The following PTER variants were observed in gnomAD, a reference collection of about 807,000 sequenced individuals.
PTER encodes the protein phosphotriesterase related.
Under a neutral mutation model 29.6 loss-of-function variants are expected in PTER, and 38 were observed. The ratio of observed to expected loss-of-function variants is 1.28; its 90% confidence interval spans 0.99 to 1.68. The LOEUF (loss-of-function observed/expected upper bound fraction) is 1.68. Among genes scored for constraint, PTER ranks in the 40% most tolerant of loss-of-function variants. The pLI, the probability that PTER is intolerant of heterozygous loss-of-function variation, is 0.00. For missense variants in PTER, 482 were observed against 427.8 expected (o/e 1.13, Z -1.12); for synonymous variants, 172 against 154.5 (o/e 1.11, Z -0.84).
intron 4 of PTER, among the ~76,000 whole-genome samples, chr10:16,508,273 T>A (rs1427849586): frequency 6.6e-6 from 1 of 152,064 alleles, no homozygotes; most frequent in Admixed American, 6.5e-5. Context: ...TTTCACCGTG[T>A]TAGCCAGGAT....
chr10:16,468,170 C>T (rs1041742234), intron 1 of PTER, among the ~76,000 whole-genome samples: 3 of 152,142 alleles, frequency 2.0e-5, no homozygotes, highest in Admixed American at 6.5e-5. Flanking sequence ...GGCGAAACCC[C>T]GTCTCTACTA....
chr10:16,507,459 A>G (rs1317001946), intron 4 of PTER, among the ~76,000 whole-genome samples: 1 of 152,112 alleles, frequency 6.6e-6, no homozygotes, highest in Non-Finnish European at 1.5e-5. Flanking sequence ...TTGAGAAGTG[A>G]TGTCCAGGAA....
At chr10:16,476,300 T>A (rs1250841022) in intron 1 of PTER, 1 of 152,250 alleles carries the variant, frequency 6.6e-6, no homozygotes, top group African/African-American at 2.4e-5. Context: ...CAGGCTGGTC[T>A]CGAACTCCTG....
chr10:16,461,166 T>A (rs1834600275), intron 1 of PTER, among the ~76,000 whole-genome samples: 1 of 152,166 alleles, frequency 6.6e-6, no homozygotes, highest in South Asian at 2.1e-4. Context: ...TTCTGTGAAT[T>A]CTTAGGAAGC....
intron 4 of PTER, among the ~76,000 whole-genome samples, chr10:16,506,040 G>A (rs1191223443): frequency 6.6e-6 from 1 of 152,154 alleles, no homozygotes; most frequent in African/African-American, 2.4e-5. Context: ...GATAACATGA[G>A]AGATATATAT....
At chr10:16,485,006 C>T (rs550586024) in intron 2 of PTER, among the ~76,000 whole-genome samples, 190 bp downstream of exon 2, 2 of 152,036 alleles carry the variant, frequency 1.3e-5, no homozygotes, top group Non-Finnish European at 2.9e-5. Flanking sequence ...TGCAAGCAAG[C>T]CTTGTGGTAA....
chr10:16,502,500 T>A (rs543408727), intron 3 of PTER, among the ~76,000 whole-genome samples: 1 of 152,214 alleles, frequency 6.6e-6, no homozygotes, highest in South Asian at 2.1e-4. Context: ...AAGGAAAGAT[T>A]TTTTAGCCTC....
chr10:16,485,789 G>C (rs1835671453), intron 2 of PTER, among the ~76,000 whole-genome samples: 1 of 152,108 alleles, frequency 6.6e-6, no homozygotes, highest in South Asian at 2.1e-4. Context: ...GAATAAATAG[G>C]AGAGAATTAA....
intron 3 of PTER, among the ~76,000 whole-genome samples, chr10:16,501,470 T>C (rs1047940170): frequency 6.6e-6 from 1 of 151,996 alleles, no homozygotes; most frequent in Admixed American, 6.6e-5. Context: ...TTGTCTAAAA[T>C]AACTGTAAAG....
At chr10:16,498,387 C>T (rs886558257) in intron 3 of PTER, among the ~76,000 whole-genome samples, 1 of 152,170 alleles carries the variant, frequency 6.6e-6, no homozygotes, top group Non-Finnish European at 1.5e-5. Context: ...AGTTTGAGAC[C>T]AGCCTGGCCA....
intron 1 of PTER, among the ~76,000 whole-genome samples, chr10:16,447,410 T>C (rs182104438): frequency 6.2e-4 from 95 of 152,240 alleles, no homozygotes; most frequent in African/African-American, 2.2e-3. Flanking sequence ...CTGTAAAATA[T>C]TTTTTATGTG....
chr10:16,475,829 C>T (rs1005612389), intron 1 of PTER, among the ~76,000 whole-genome samples: 4 of 152,146 alleles, frequency 2.6e-5, no homozygotes, highest in African/African-American at 9.7e-5. Flanking sequence ...AATCACAGGC[C>T]TCAAATGAAG....
chr10:16,508,334 C>A (rs1325888609), intron 4 of PTER, among the ~76,000 whole-genome samples: 1 of 152,128 alleles, frequency 6.6e-6, no homozygotes, highest in Admixed American at 6.5e-5. Flanking sequence ...TCCTAAAGTG[C>A]TGGGATTACA....
At chr10:16,472,082 A>G (rs775732413) in intron 1 of PTER, among the ~76,000 whole-genome samples, 5 of 152,176 alleles carry the variant, frequency 3.3e-5, no homozygotes, top group Admixed American at 1.3e-4. Context: ...GATGCTTTCT[A>G]TTGGATTCCC....
intron 1 of PTER, among the ~76,000 whole-genome samples, chr10:16,473,169 A>G (rs1311754940): frequency 6.6e-6 from 1 of 152,126 alleles, no homozygotes; most frequent in Non-Finnish European, 1.5e-5. Context: ...TTCGGCTCAA[A>G]TGAGTCTCAC....
rs141149062 is a variant in PTER at position 16,475,345 on chromosome 10, T to C, written c.-48-8992T>C. Among the ~76,000 whole-genome samples, 534 of 152,298 alleles carry C rather than the reference T, an allele frequency of 3.5e-3. 5 individuals are homozygous for C. Among genetic ancestry groups the C allele is most frequent in the African/African-American group, 0.012 (497 of 41,560 alleles). ...TAGAATGTCCAGGGTAACTCACTTA[T>C]CTGCTACCTTCACAGGGACGGCCTC... On this transcript the variant is annotated intron_variant, in intron 1 of 4. Transcript: ENST00000535784.
chr10:16,497,502 A>G (rs965224942), intron 3 of PTER, among the ~76,000 whole-genome samples: 2 of 152,248 alleles, frequency 1.3e-5, no homozygotes, highest in Non-Finnish European at 2.9e-5. Context: ...CACAGAGAAT[A>G]GCACAAGATA....
intron 1 of PTER, among the ~76,000 whole-genome samples, chr10:16,456,069 A>C (rs988969694): frequency 2.0e-5 from 3 of 152,222 alleles, no homozygotes. Flanking sequence ...CCAAGAAGGC[A>C]AGTGAGTTTT....
At chr10:16,459,446 G>A (rs1032080103) in intron 1 of PTER, among the ~76,000 whole-genome samples, 1 of 152,184 alleles carries the variant, frequency 6.6e-6, no homozygotes, top group Non-Finnish European at 1.5e-5. Flanking sequence ...GGGCCTTTGA[G>A]AAATCATAGG....
Sources: gnomAD v4.1 joint callset for allele counts (sites outside exome capture counted in the v4.1 genomes callset) on GRCh38, gnomAD v4.1.1 for gene constraint, MANE v1.5 for transcripts, NCBI Gene and HGNC (gene_info 2026-07-23, HGNC 2026-07-21) for gene names.